PCDHGB2: variants seen among roughly 807,000 people sequenced by gnomAD.
PCDHGB2 encodes protocadherin gamma subfamily B, 2, also known as protocadherin gamma-B2.
A neutral mutation model predicts 59.3 loss-of-function variants in PCDHGB2; 55 were observed. The observed-to-expected ratio is 0.93, with a 90% CI of 0.75 to 1.16. The LOEUF is 1.16. PCDHGB2 is among the 50% of genes most tolerant of loss of function. PCDHGB2 has a pLI of 0.00. For missense variants in PCDHGB2, 1,228 were observed against 1,198.5 expected (o/e 1.02, Z -0.36); for synonymous variants, 516 against 512.0 (o/e 1.01, Z -0.11).
chr5:141,481,934 AAT>A (rs1245984926), intron 1 of PCDHGB2, among the ~76,000 whole-genome samples: 5 of 147,494 alleles, frequency 3.4e-5, no homozygotes, highest in Admixed American at 3.4e-4. Flanking sequence ...AAAAAAAAAA[AAT>A]CAGCCAGATG....
chr5:141,421,255 C>T lies in PCDHGB2; in HGVS notation c.2421+58699C>T, dbSNP rs759899934. On this transcript the variant is annotated intron_variant, in intron 1 of 3. Coordinates refer to ENST00000522605, the MANE Select transcript of PCDHGB2 (RefSeq NM_018923.3). ...GGCGAATCGGCTACAGCGCGGGGAC[C>T]GCAGTCGGCTGCTGCTGCTGCTGTG... 5.2e-5 allele frequency: 84 copies of T among 1,607,644 alleles called. No individual in the cohort carries two copies. Among genetic ancestry groups the T allele is most frequent in the Non-Finnish European group, 6.8e-5 (80 of 1,177,916 alleles).
intron 1 of PCDHGB2, among the ~76,000 whole-genome samples, chr5:141,481,994 A>AG (rs2099550091): frequency 1.3e-5 from 2 of 151,258 alleles, no homozygotes; most frequent in African/African-American, 4.9e-5. Context: ...TTGAAGCAGG[A>AG]GAATCGCTTT....
At chr5:141,464,480 A>T (rs1013894368) in intron 1 of PCDHGB2, among the ~76,000 whole-genome samples, 4 of 151,864 alleles carry the variant, frequency 2.6e-5, no homozygotes, top group African/African-American at 7.3e-5. Flanking sequence ...CGTATAATAA[A>T]TTCCTAATAG....
chr5:141,366,553 G>A (rs1209299928), intron 1 of PCDHGB2: 1 of 1,614,252 alleles, frequency 6.2e-7, no homozygotes, highest in Non-Finnish European at 8.5e-7. Context: ...CGCACTTTGT[G>A]GGCGTGGATG....
At chr5:141,501,290 T>TACACACACAC (rs55762287) in intron 2 of PCDHGB2, among the ~76,000 whole-genome samples, 12 of 136,162 alleles carry the variant, frequency 8.8e-5, no homozygotes, top group Admixed American at 4.7e-4. Context: ...TATTCCCTTA[T>TACACACACAC]ACACACACAC....
chr5:141,384,492 AG>A (rs746302959), intron 1 of PCDHGB2: 2 of 1,614,164 alleles, frequency 1.2e-6, no homozygotes, highest in East Asian at 4.5e-5. Context: ...TACAACTAAG[AG>A]TGACTGCACA....
At chr5:141,408,632 G>C (rs2154540395) in intron 1 of PCDHGB2, 3 of 1,613,952 alleles carry the variant, frequency 1.9e-6, no homozygotes, top group Non-Finnish European at 1.7e-6. Flanking sequence ...AGAAATTTTC[G>C]AATCTGCATC....
At chr5:141,451,113 C>T (rs2098707217) in intron 1 of PCDHGB2, among the ~76,000 whole-genome samples, 1 of 152,152 alleles carries the variant, frequency 6.6e-6, no homozygotes. Context: ...CAGGCGTGAG[C>T]CACCACACCC....
At chr5:141,388,952 G>GGAC in intron 1 of PCDHGB2, 1 of 1,614,022 alleles carries the variant, frequency 6.2e-7, no homozygotes, top group Non-Finnish European at 8.5e-7. Flanking sequence ...TAATTATGGA[G>GGAC]GACGCCGAGC....
At chr5:141,509,454 G>T (rs1164813611) in intron 3 of PCDHGB2, among the ~76,000 whole-genome samples, 2 of 151,976 alleles carry the variant, frequency 1.3e-5, no homozygotes, top group African/African-American at 2.4e-5. Flanking sequence ...TCCCACCCCC[G>T]ACCCAGTCAG....
intron 1 of PCDHGB2, among the ~76,000 whole-genome samples, chr5:141,460,912 G>GTGTATA (rs145509489): frequency 0.032 from 4,842 of 149,286 alleles, 90 homozygotes; most frequent in Middle Eastern, 0.083. Flanking sequence ...ATTCCATGGT[G>GTGTATA]TATATATATA....
intron 1 of PCDHGB2, chr5:141,382,723 T>TA: frequency 1.9e-6 from 1 of 523,900 alleles, no homozygotes; most frequent in Non-Finnish European, 3.2e-6. Flanking sequence ...CACCGAGTTT[T>TA]ACAGCACAGA....
chr5:141,446,455 T>G (rs1347586383), intron 1 of PCDHGB2, among the ~76,000 whole-genome samples: 1 of 151,858 alleles, frequency 6.6e-6, no homozygotes, highest in Non-Finnish European at 1.5e-5. Context: ...AGATATTCAG[T>G]GTGTGATTAG....
intron 1 of PCDHGB2, chr5:141,471,300 C>T (rs2099254628): frequency 6.6e-6 from 1 of 152,190 alleles, no homozygotes; most frequent in African/African-American, 2.4e-5. Context: ...ATCCACCCAA[C>T]TCGGCCTCCC....
chr5:141,372,767 T>C, intron 1 of PCDHGB2: 1 of 1,612,184 alleles, frequency 6.2e-7, no homozygotes, highest in Non-Finnish European at 8.5e-7. Flanking sequence ...TTGAAAGTAA[T>C]GACAATCCAG....
chr5:141,484,333 A>T (rs1019527273), intron 1 of PCDHGB2, among the ~76,000 whole-genome samples: 2 of 152,198 alleles, frequency 1.3e-5, no homozygotes, highest in Non-Finnish European at 2.9e-5. Flanking sequence ...CCTTGAAATC[A>T]ATGAATGGTA....
chr5:141,478,116 C>T (rs145816520), intron 1 of PCDHGB2: 1 of 1,613,974 alleles, frequency 6.2e-7, no homozygotes, highest in Non-Finnish European at 8.5e-7. Flanking sequence ...GTGTCAGTAA[C>T]CGAGGACTCT....
intron 1 of PCDHGB2, chr5:141,423,559 G>T: frequency 6.2e-7 from 1 of 1,613,584 alleles, no homozygotes; most frequent in Non-Finnish European, 8.5e-7. Flanking sequence ...CAACTATGGG[G>T]ACACGCTCAT....
intron 1 of PCDHGB2, chr5:141,371,928 G>A (rs1305933236): frequency 4.3e-6 from 7 of 1,613,232 alleles, no homozygotes; most frequent in Non-Finnish European, 5.1e-6. Flanking sequence ...CGCGCGGAGC[G>A]GGGTGGTGTT....
Sources: gnomAD v4.1 joint callset for allele counts (sites outside exome capture counted in the v4.1 genomes callset) on GRCh38, gnomAD v4.1.1 for gene constraint, MANE v1.5 for transcripts, NCBI Gene and HGNC (gene_info 2026-07-23, HGNC 2026-07-21) for gene names.